Variants in ATP9B observed in about 807,000 individuals in gnomAD.
ATP9B encodes the protein ATPase phospholipid transporting 9B.
ATP9B carries 110 observed loss-of-function variants against 146.1 expected under a neutral mutation model. The observed-to-expected ratio is 0.75, with a 90% CI of 0.65 to 0.88. The LOEUF is 0.88. Among genes scored for constraint, ATP9B ranks in the 40% least tolerant of loss-of-function variants. The probability of loss-of-function intolerance (pLI) is 0.00; values close to 1 mark genes in which losing one functional copy is unlikely to be tolerated. For missense variants in ATP9B, 1,499 were observed against 1,496.4 expected (o/e 1.00, Z -0.03); for synonymous variants, 604 against 569.7 (o/e 1.06, Z -0.86).
chr18:79,358,919 A>T (rs28382407), intron 25 of ATP9B, among the ~76,000 whole-genome samples: 31,999 of 136,486 alleles, frequency 0.23, 4,689 homozygotes, highest in African/African-American at 0.39. Context: ...GTGGGTCTGG[A>T]GGTGTCTGTG....
chr18:79,347,091 T>A (rs1179919149), intron 23 of ATP9B, among the ~76,000 whole-genome samples: 6 of 152,204 alleles, frequency 3.9e-5, no homozygotes, highest in African/African-American at 1.4e-4. Context: ...CCCTCCTGTT[T>A]TCCACGCACC....
At chr18:79,344,380 ATGTC>A in intron 21 of ATP9B, 26 bp downstream of exon 21, 1 of 1,599,472 alleles carries the variant, frequency 6.3e-7, no homozygotes, top group Non-Finnish European at 8.6e-7. Context: ...GAGTGAGTAC[ATGTC>A]TGTCTGTGTC....
intron 2 of ATP9B, among the ~76,000 whole-genome samples, chr18:79,105,568 G>A (rs1172299817): frequency 1.3e-5 from 2 of 152,104 alleles, no homozygotes; most frequent in Non-Finnish European, 2.9e-5. Flanking sequence ...AATTGTTCTG[G>A]TATCTGTCTT....
chr18:79,289,297 G>A (rs2096477434), intron 13 of ATP9B, among the ~76,000 whole-genome samples: 1 of 152,130 alleles, frequency 6.6e-6, no homozygotes, highest in Non-Finnish European at 1.5e-5. Context: ...CATGTTTCTT[G>A]GAGGCTTTGT....
At chr18:79,348,996 TAAC>T (rs1401382600) in intron 25 of ATP9B, among the ~76,000 whole-genome samples, 2 of 152,142 alleles carry the variant, frequency 1.3e-5, no homozygotes, top group Non-Finnish European at 2.9e-5. Flanking sequence ...AAAACAAAGA[TAAC>T]AGCAGCAGTG....
chr18:79,375,737 A>T lies in ATP9B; in HGVS notation c.3307+311A>T, dbSNP rs1353690704. ...AGTTGTAGGGGCTGAGCTGCTGGAA[A>T]ACACTTCCAGGGTCTTCAGAAAATG... is the stretch of plus-strand genomic sequence containing the variant. On this transcript the variant is annotated intron_variant, in intron 29 of 29. Coordinates refer to ENST00000426216, the MANE Select transcript of ATP9B (RefSeq NM_198531.5). 4 of 985,224 alleles carry T rather than the reference A, an allele frequency of 4.1e-6. No individual in the cohort carries two copies. In the Admixed American group the frequency reaches 2.5e-4, roughly 61 times the overall value. 61.0% of individuals were successfully genotyped at this position (985,224 alleles called of 1,614,324 possible).
At chr18:79,179,912 A>G (rs1301634094) in intron 8 of ATP9B, among the ~76,000 whole-genome samples, 1 of 152,146 alleles carries the variant, frequency 6.6e-6, no homozygotes, top group East Asian at 1.9e-4. Context: ...AGATGGAACT[A>G]TTTCTCCTTT....
rs1391347873 is a variant in ATP9B, at chr18:79,168,633, A to G, written c.779-8180A>G. 6.6e-5 allele frequency among the ~76,000 whole-genome samples: 10 copies of G among 152,332 alleles called. No homozygotes were observed. The Middle Eastern group carries it at 0.014, about 207-fold the overall frequency. On this transcript the variant is annotated intron_variant, in intron 7 of 29. Transcript: ENST00000426216. Reference sequence around the variant, plus strand: ...GCAGATAGGCCATGACTGGCACTTCATAAGTAGATGCTTAGTAAATGTCAG... The same window carrying G: ...GCAGATAGGCCATGACTGGCACTTCGTAAGTAGATGCTTAGTAAATGTCAG...
At chr18:79,144,415 T>G (rs1403565137) in intron 6 of ATP9B, 3 of 152,308 alleles carry the variant, frequency 2.0e-5, no homozygotes, top group Non-Finnish European at 2.9e-5. Context: ...TGGGCTTGGT[T>G]TTGGGATGAA....
At chr18:79,200,781 G>A (rs1240625811) in intron 9 of ATP9B, among the ~76,000 whole-genome samples, 2 of 151,050 alleles carry the variant, frequency 1.3e-5, no homozygotes, top group African/African-American at 2.4e-5. Flanking sequence ...CAGAGCAGAA[G>A]TAGTGGTGGA....
rs543111458 is a variant in ATP9B, at chr18:79,275,982, T to G, written c.1269-1072T>G. On this transcript the variant is annotated intron_variant, in intron 12 of 29. Transcript: ENST00000426216. ...ATTGACTGTGATTCCTAAAGACTAT[T>G]TTTCGAGTGTGTACTTATTAATAGT... Among the ~76,000 whole-genome samples, 3 of 152,326 alleles carry G rather than the reference T, an allele frequency of 2.0e-5. No individual in the cohort carries two copies. The South Asian group carries it at 6.2e-4, about 32-fold the overall frequency.
intron 11 of ATP9B, among the ~76,000 whole-genome samples, chr18:79,245,963 C>T (rs2095953241): frequency 7.8e-6 from 1 of 127,678 alleles, no homozygotes. Context: ...AGGGCACCAC[C>T]CTACTGACTG....
chr18:79,199,214 G>C (rs1047482477), intron 9 of ATP9B, among the ~76,000 whole-genome samples: 2 of 152,004 alleles, frequency 1.3e-5, no homozygotes, highest in African/African-American at 4.8e-5. Context: ...GCCTCCCAAA[G>C]TGCTGGGATT....
intron 21 of ATP9B, among the ~76,000 whole-genome samples, chr18:79,345,066 C>T (rs1007195373): frequency 2.6e-5 from 4 of 152,172 alleles, no homozygotes; most frequent in African/African-American, 9.7e-5. Flanking sequence ...TGCCCCAGAA[C>T]GTCACCGGGT....
At chr18:79,207,217 C>T (rs906953971) in intron 10 of ATP9B, among the ~76,000 whole-genome samples, 2 of 152,152 alleles carry the variant, frequency 1.3e-5, no homozygotes, top group African/African-American at 2.4e-5. Context: ...GCACGTGGTT[C>T]GCAAGGCCTG....
intron 15 of ATP9B, among the ~76,000 whole-genome samples, chr18:79,322,343 T>G (rs1392890227): frequency 6.6e-6 from 1 of 152,188 alleles, no homozygotes; most frequent in African/African-American, 2.4e-5. Flanking sequence ...ACGTCAGAAT[T>G]GAGACAGCGA....
chr18:79,162,364 C>G (rs1490434389), intron 7 of ATP9B, among the ~76,000 whole-genome samples: 1 of 152,142 alleles, frequency 6.6e-6, no homozygotes, highest in Non-Finnish European at 1.5e-5. Flanking sequence ...GGCTTAAATT[C>G]CAATTAATCA....
rs146436443 is a variant in ATP9B, at chr18:79,255,455, T to G, written c.1268+1914T>G. 2.4e-3 allele frequency among the ~76,000 whole-genome samples: 366 copies of G among 152,354 alleles called. 2 individuals are homozygous for G. The highest frequency in any genetic ancestry group is 6.4e-3 in the South Asian group (31 of 4,828). ...TGCCACCCACTCCCCAAGAGTCTCC[T>G]TTGTCTCCATACACATGAATGAGCC... On this transcript the variant is annotated intron_variant, in intron 12 of 29. Coordinates refer to ENST00000426216, the MANE Select transcript of ATP9B (RefSeq NM_198531.5).
At chr18:79,176,765 C>T (rs769977983) in intron 7 of ATP9B, 48 bp from the exon 8 acceptor site, 5 of 1,528,104 alleles carry the variant, frequency 3.3e-6, no homozygotes, top group South Asian at 1.1e-5. Context: ...CAGGAAAAAC[C>T]TTCTGTAACA....
Sources: gnomAD v4.1 joint callset for allele counts (sites outside exome capture counted in the v4.1 genomes callset) on GRCh38, gnomAD v4.1.1 for gene constraint, MANE v1.5 for transcripts, NCBI Gene and HGNC (gene_info 2026-07-23, HGNC 2026-07-21) for gene names.